TRAPPC9: variants seen among roughly 807,000 people sequenced by gnomAD.
The protein encoded by TRAPPC9 is IKK2 binding protein.
Under a neutral mutation model 124.0 loss-of-function variants are expected in TRAPPC9, and 83 were observed. The ratio of observed to expected loss-of-function variants is 0.67; its 90% CI spans 0.56 to 0.80. TRAPPC9 has a LOEUF of 0.80. Among genes scored for constraint, TRAPPC9 ranks in the 30% least tolerant of loss-of-function variants. TRAPPC9 has a pLI of 0.00. For synonymous variants in TRAPPC9, 638 were observed against 617.5 expected, an observed-to-expected ratio of 1.03 and a Z score of -0.49; for missense variants, 1,302 against 1,508.3, an observed-to-expected ratio of 0.86 and a Z score of 2.27.
At chr8:140,068,786 G>A (rs1054765833) in intron 17 of TRAPPC9, among the ~76,000 whole-genome samples, 3 of 152,158 alleles carry the variant, frequency 2.0e-5, no homozygotes, top group African/African-American at 4.8e-5. Context: ...TTGGCACAAC[G>A]ATATAGCTTT....
intron 17 of TRAPPC9, among the ~76,000 whole-genome samples, chr8:140,067,009 T>C (rs1842925130): frequency 6.6e-6 from 1 of 152,224 alleles, no homozygotes; most frequent in Non-Finnish European, 1.5e-5. Flanking sequence ...GACAGGAGTC[T>C]TGAATAGGGT....
At chr8:139,910,050 GA>G in intron 20 of TRAPPC9, 96 bp downstream of exon 20, 1 of 1,439,968 alleles carries the variant, frequency 6.9e-7, no homozygotes, top group South Asian at 1.3e-5. Flanking sequence ...TACCTGTGGT[GA>G]AAATTCAATA....
intron 17 of TRAPPC9, among the ~76,000 whole-genome samples, chr8:140,165,102 G>A (rs2061812119): frequency 2.0e-5 from 3 of 152,168 alleles, no homozygotes; most frequent in Admixed American, 6.5e-5. Context: ...TAGGCTGGGC[G>A]CACTGGCTCA....
chr8:140,458,429 G>A (rs1338513070), upstream of TRAPPC9: 1 of 1,586,260 alleles, frequency 6.3e-7, no homozygotes, highest in Non-Finnish European at 8.6e-7. Context: ...CCCCCACGTG[G>A]GTGGGTGACC....
At chr8:140,405,757 T>C in intron 5 of TRAPPC9, 59 bp from the exon 6 acceptor site, 1 of 1,603,310 alleles carries the variant, frequency 6.2e-7, no homozygotes, top group Non-Finnish European at 8.5e-7. Context: ...TATTTCTTTG[T>C]TAAAGAGGAG....
At chr8:139,858,848 T>G (rs1423124188) in intron 21 of TRAPPC9, among the ~76,000 whole-genome samples, 3 of 150,596 alleles carry the variant, frequency 2.0e-5, no homozygotes, top group African/African-American at 7.4e-5. Flanking sequence ...CTGCACACCC[T>G]CCCCACCCGC....
chr8:139,838,872 A>C (rs1368226018), intron 21 of TRAPPC9, among the ~76,000 whole-genome samples: 1 of 152,192 alleles, frequency 6.6e-6, no homozygotes, highest in African/African-American at 2.4e-5. Context: ...CCTGCTGTGG[A>C]GAGGCCCAGG....
At chr8:140,453,371 G>A (rs1418871383) in intron 1 of TRAPPC9, among the ~76,000 whole-genome samples, 1 of 152,114 alleles carries the variant, frequency 6.6e-6, no homozygotes, top group African/African-American at 2.4e-5. Flanking sequence ...GGTCACCAAA[G>A]CCTGACTGCA....
At chr8:140,250,353 T>C (rs989995144) in intron 16 of TRAPPC9, among the ~76,000 whole-genome samples, 3 of 152,136 alleles carry the variant, frequency 2.0e-5, no homozygotes, top group Non-Finnish European at 4.4e-5. Flanking sequence ...GCTATCCAGG[T>C]TGCTGTGAAT....
At chr8:140,033,046 A>T (rs1840601255) in intron 17 of TRAPPC9, among the ~76,000 whole-genome samples, 1 of 152,184 alleles carries the variant, frequency 6.6e-6, no homozygotes, top group East Asian at 1.9e-4. Context: ...ACACATTCAT[A>T]TCATTTCCCT....
intron 17 of TRAPPC9, among the ~76,000 whole-genome samples, chr8:140,201,187 A>G (rs1271038337): frequency 1.3e-5 from 2 of 152,206 alleles, no homozygotes; most frequent in Non-Finnish European, 2.9e-5. Flanking sequence ...GTGACTGTCT[A>G]AGGCATCCTA....
At chr8:140,043,223 A>G (rs1466268222) in intron 17 of TRAPPC9, among the ~76,000 whole-genome samples, 1 of 152,218 alleles carries the variant, frequency 6.6e-6, no homozygotes, top group East Asian at 1.9e-4. Context: ...CACTTTTTAT[A>G]GTTTCCAGAA....
intron 17 of TRAPPC9, among the ~76,000 whole-genome samples, chr8:140,152,353 A>ATT (rs1563800576): frequency 5.4e-5 from 7 of 129,360 alleles, no homozygotes; most frequent in Admixed American, 8.0e-5. Context: ...TAATATTGCC[A>ATT]TCTTTTTTTT....
At chr8:140,437,116 ACCAAG>A (rs1168840894) in intron 3 of TRAPPC9, among the ~76,000 whole-genome samples, 3 of 151,520 alleles carry the variant, frequency 2.0e-5, no homozygotes, top group Non-Finnish European at 4.4e-5. Context: ...GGCACAGACC[ACCAAG>A]CCCAGCTAAT....
Position 139,861,877 on chromosome 8 carries a change from G to C in TRAPPC9, c.3055+24002C>G, listed in dbSNP as rs192342270. Among the ~76,000 whole-genome samples the C allele has an allele frequency of 3.2e-3, 487 of 151,214 alleles. 4 individuals are homozygous for C. The highest frequency in any genetic ancestry group is 0.011 in the African/African-American group (441 of 40,992). On this transcript the variant is annotated intron_variant, in intron 21 of 22. Transcript: ENST00000438773. ...CAGGGGTCTTCACCGAGAGCCTGGG[G>C]CCTCCCAGGTAGACCAAGGGTGAAA... is the stretch of plus-strand genomic sequence containing the variant.
intron 8 of TRAPPC9, among the ~76,000 whole-genome samples, chr8:140,370,128 GTT>G (rs35915091): frequency 1.6e-3 from 230 of 148,230 alleles, no homozygotes; most frequent in African/African-American, 5.0e-3. Flanking sequence ...CCTCAAAAAT[GTT>G]TTTTTTTTTG....
At chr8:140,119,038 G>A (rs1331671414) in intron 17 of TRAPPC9, among the ~76,000 whole-genome samples, 2 of 152,246 alleles carry the variant, frequency 1.3e-5, no homozygotes, top group Non-Finnish European at 2.9e-5. Flanking sequence ...GCAGTCTAAT[G>A]TCAGGCCAAG....
At chr8:140,231,598 T>G (rs2063598962) in intron 16 of TRAPPC9, among the ~76,000 whole-genome samples, 1 of 145,704 alleles carries the variant, frequency 6.9e-6, no homozygotes, top group African/African-American at 2.5e-5. Flanking sequence ...GTTCAAGCAA[T>G]TCTCCTGCCT....
At chr8:140,382,519 C>G (rs769218963) in intron 7 of TRAPPC9, among the ~76,000 whole-genome samples, 2 of 151,426 alleles carry the variant, frequency 1.3e-5, no homozygotes, top group African/African-American at 4.8e-5. Context: ...GAGGGTCCCA[C>G]GCCCGGCTGG....
Sources: allele counts gnomAD v4.1 joint callset (sites outside exome capture counted in the v4.1 genomes callset), GRCh38; gene constraint gnomAD v4.1.1; transcripts MANE v1.5; gene names NCBI Gene and HGNC (gene_info 2026-07-23, HGNC 2026-07-21).